Variants in ACP2 observed in about 807,000 individuals in gnomAD.
ACP2 encodes acid phosphatase 2, lysosomal.
In ACP2, 35 loss-of-function variants were observed where a neutral mutation model predicts 54.7. That is an observed-to-expected ratio of 0.64 (90% confidence interval 0.49 to 0.85). The LOEUF is 0.85. Among genes scored for constraint, ACP2 ranks in the 40% least tolerant of loss-of-function variants. The pLI, the probability that ACP2 is intolerant of heterozygous loss-of-function variation, is 0.00. For synonymous variants in ACP2, 210 were observed against 224.4 expected (o/e 0.94, Z 0.57); for missense variants, 492 against 565.0 (o/e 0.87, Z 1.31).
Position 47,240,131 on chromosome 11 carries a change from C to T in ACP2, c.1257G>A (p.Gly419=). The T allele has an allele frequency of 1.2e-6, 2 of 1,613,776 alleles. No homozygotes were observed. The highest frequency in any genetic ancestry group is 1.7e-6 in the Non-Finnish European group (2 of 1,179,938). ...TGAGTGGTTGTCAGGCGTGGTCCTCCCCATCTGCGACGTGGCGGTAGCCAG... is the reference window on the plus strand; with the variant it reads ...TGAGTGGTTGTCAGGCGTGGTCCTCTCCATCTGCGACGTGGCGGTAGCCAG... ...QPPGYRHVAD[G]EDHA The change falls in exon 11 of 11, where the codon GGG becomes GGA. Residue 419 remains glycine, a synonymous_variant. Coordinates refer to ENST00000672073, the MANE Select transcript of ACP2 (RefSeq NM_001610.4).
intron 10 of ACP2, 122 bp downstream of exon 10, chr11:47,242,601 G>T: frequency 8.4e-7 from 1 of 1,190,496 alleles, no homozygotes; most frequent in South Asian, 1.4e-5. Context: ...GTCTGGGGTC[G>T]GGGAGGGAAC....
chr11:47,248,442 G>A lies in ACP2; in HGVS notation c.114+234C>T, dbSNP rs960546885. ...TAACCAAAGGCTTCTTTAGGGATGA[G>A]TCTTAACCATTCAACCACTTCCCTG... On this transcript the variant is annotated intron_variant, in intron 1 of 10. Transcript: ENST00000672073. 24 of 1,542,614 alleles carry A rather than the reference G, an allele frequency of 1.6e-5. 1 individual carries two copies. The highest frequency in any genetic ancestry group is 1.7e-4 in the Middle Eastern group (1 of 5,992).
intron 5 of ACP2, 29 bp downstream of exon 5, chr11:47,245,445 T>C (rs373531382): frequency 1.5e-5 from 25 of 1,614,076 alleles, no homozygotes; most frequent in Middle Eastern, 1.6e-4. Flanking sequence ...AAAGACAGCG[T>C]GGTGAGCTGC....
chr11:47,239,764 T>G lies in ACP2; in HGVS notation c.*352A>C. ...CAGGCTGGAGGAAAAAGAACAGGGC[T>G]TGATAGAAGTGCAAGGTGGATCCAG... On this transcript the variant is annotated 3_prime_UTR_variant, in exon 11 of 11. Transcript: ENST00000672073. The G allele has an allele frequency of 4.4e-6, 1 of 227,250 alleles. No homozygotes were observed. The highest frequency in any genetic ancestry group is 8.6e-6 in the Non-Finnish European group (1 of 115,942). The allele number at this position is 227,250 out of a possible 1,614,324, so 14.1% of individuals were successfully genotyped here.
chr11:47,245,538 TA>T lies in ACP2; in HGVS notation c.484del (p.Tyr162MetfsTer37), dbSNP rs756678544. The T allele has an allele frequency of 6.2e-7, 1 of 1,614,202 alleles. No homozygotes were observed. Among genetic ancestry groups the T allele is most frequent in the South Asian group, 1.1e-5 (1 of 91,080 alleles). On this transcript the variant is annotated frameshift_variant, in exon 5 of 11. Coordinates refer to ENST00000672073, the MANE Select transcript of ACP2 (RefSeq NM_001610.4). LOFTEE classifies it high-confidence loss of function. ...CCGGGTCTCGTTCTGCAGCTGCTCA[TA>T]ACGGGGACATGGGCCCAACGGGAAC... ...LKFPLGPCPR[Y>X]EQLQNETRQT...
At position 47,243,100 on chromosome 11, in the gene ACP2, G is replaced by A. The variant is rs986302772; in HGVS notation, c.880C>T (p.Gln294Ter). 6.2e-7 allele frequency: 1 copy of A among 1,614,116 alleles called. No homozygotes were observed. The highest frequency in any genetic ancestry group is 1.3e-5 in the African/African-American group (1 of 74,942). ...SAHDTTLVAL[Q>*]MALDVYNGEQ... ...CCATTGTAGACATCCAGTGCCATTTGCAGGGCAACCAGGGTAGTGTCGTGC... is the reference window on the plus strand; with the variant it reads ...CCATTGTAGACATCCAGTGCCATTTACAGGGCAACCAGGGTAGTGTCGTGC... Residue 294 changes from glutamine (Q) to a stop codon, truncating the protein, a stop_gained, in exon 9 of 11, where the codon CAA becomes TAA. Transcript: ENST00000672073. LOFTEE classifies it high-confidence loss of function.
chr11:47,245,020 G>C (rs973031607), intron 6 of ACP2, 153 bp from the exon 7 acceptor site: 22 of 1,384,192 alleles, frequency 1.6e-5, no homozygotes, highest in Middle Eastern at 2.6e-4. Flanking sequence ...GGCAGGCGGT[G>C]TGGATGCTTC....
rs1050169887 is a variant in ACP2, at chr11:47,239,525, T to G, written c.*591A>C. 1.3e-5 allele frequency: 2 copies of G among 158,188 alleles called. No individual in the cohort carries two copies. The highest frequency in any genetic ancestry group is 2.8e-5 in the Non-Finnish European group (2 of 71,598). 9.8% of individuals were successfully genotyped at this position (158,188 alleles called of 1,614,324 possible). On this transcript the variant is annotated 3_prime_UTR_variant, in exon 11 of 11. Transcript: ENST00000672073. Reference sequence around the variant, plus strand: ...CCCAAGTACAGACAACCTTCCGTCCTGCTCCAGTTGAAGGGGTGACAACGA... The same window carrying G: ...CCCAAGTACAGACAACCTTCCGTCCGGCTCCAGTTGAAGGGGTGACAACGA...
At chr11:47,242,359 G>A (rs1953904206) in intron 10 of ACP2, among the ~76,000 whole-genome samples, 4 of 152,200 alleles carry the variant, frequency 2.6e-5, no homozygotes, top group Admixed American at 2.6e-4. Flanking sequence ...AGAGGTCATG[G>A]ATGGGCTTTT....
chr11:47,245,857 C>CGTTTGTGTGTGTGTGT (rs1954052654), intron 3 of ACP2, 23 bp from the exon 4 acceptor site: 1 of 1,250,886 alleles, frequency 8.0e-7, no homozygotes, highest in Non-Finnish European at 1.1e-6. Context: ...CAACACAAGT[C>CGTTTGTGTGTGTGTGT]GTGTGTGTGT....
chr11:47,243,348 C>G (rs1204622989), intron 7 of ACP2, 27 bp from the exon 8 acceptor site: 25 of 1,600,410 alleles, frequency 1.6e-5, no homozygotes, highest in Admixed American at 5.0e-5. Flanking sequence ...CCCGGTGTTG[C>G]TGGCTACAGC....
At chr11:47,247,099 G>A (rs760547231) in intron 3 of ACP2, among the ~76,000 whole-genome samples, 2 of 152,114 alleles carry the variant, frequency 1.3e-5, no homozygotes, top group Non-Finnish European at 2.9e-5. Context: ...ACACTCACCA[G>A]TCCTCCCTGA....
chr11:47,241,938 G>A (rs758345167), intron 10 of ACP2, among the ~76,000 whole-genome samples: 19 of 152,176 alleles, frequency 1.2e-4, no homozygotes, highest in Admixed American at 1.0e-3. Flanking sequence ...GAGTCAGGGC[G>A]TAAGGACAGA....
At chr11:47,247,501 C>T (rs1954204686) in intron 3 of ACP2, 140 bp downstream of exon 3, 1 of 968,410 alleles carries the variant, frequency 1.0e-6, no homozygotes, top group African/African-American at 1.6e-5. Flanking sequence ...CCAGACAGCT[C>T]TCAGATGTCT....
intron 7 of ACP2, 37 bp from the exon 8 acceptor site, chr11:47,243,358 C>A (rs1953945703): frequency 6.4e-7 from 1 of 1,570,716 alleles, no homozygotes; most frequent in Non-Finnish European, 8.8e-7. Flanking sequence ...CTGGCTACAG[C>A]CACCTCTGCC....
rs139616510 is a variant in ACP2, at chr11:47,245,204, C to T, written c.639+101G>A. 178 of 1,306,100 alleles carry T rather than the reference C, an allele frequency of 1.4e-4. No homozygotes were observed. The East Asian group carries it at 3.7e-3, about 27-fold the overall frequency. 80.9% of individuals were successfully genotyped at this position (1,306,100 alleles called of 1,614,324 possible). On this transcript the variant is annotated intron_variant, in intron 6 of 10. Coordinates refer to ENST00000672073, the MANE Select transcript of ACP2 (RefSeq NM_001610.4). Reference sequence around the variant, plus strand: ...CAAGCACAGCCTCCCTGGACCTCCCCAGGGGCGTGACGGTATCAGGCACTG... The same window carrying T: ...CAAGCACAGCCTCCCTGGACCTCCCTAGGGGCGTGACGGTATCAGGCACTG...
chr11:47,240,156 G>A lies in ACP2; in HGVS notation c.1232C>T (p.Pro411Leu). 1.2e-6 allele frequency: 2 copies of A among 1,614,156 alleles called. No individual in the cohort carries two copies. The highest frequency in any genetic ancestry group is 1.7e-6 in the Non-Finnish European group (2 of 1,180,016). The change falls in exon 11 of 11, where the codon CCT becomes CTT. Residue 411 changes from proline to leucine, a missense_variant. By Grantham distance (98) the Pro-to-Leu change is moderately conservative. Transcript: ENST00000672073. ...TVLFRMQAQPPGYRHVADGED... is the reference protein window; with the variant it reads ...TVLFRMQAQPLGYRHVADGED... ...CCCATCTGCGACGTGGCGGTAGCCA[G>A]GAGGCTGGGCCTGCATCCGGAAGAG...
At chr11:47,248,550 C>T in intron 1 of ACP2, 126 bp downstream of exon 1, 5 of 1,551,720 alleles carry the variant, frequency 3.2e-6, no homozygotes, top group Non-Finnish European at 4.4e-6. Context: ...AATCCAGCCT[C>T]CCAACTACCC....
intron 7 of ACP2, among the ~76,000 whole-genome samples, chr11:47,243,608 A>G (rs1366624220): frequency 6.6e-6 from 1 of 152,204 alleles, no homozygotes; most frequent in Non-Finnish European, 1.5e-5. Flanking sequence ...ACAAATGTAA[A>G]CTTAAGATTG....
Sources: gnomAD v4.1 joint callset for allele counts (sites outside exome capture counted in the v4.1 genomes callset) on GRCh38, gnomAD v4.1.1 for gene constraint, MANE v1.5 for transcripts, NCBI Gene and HGNC (gene_info 2026-07-23, HGNC 2026-07-21) for gene names.